Variants in TRMT2B observed in about 807,000 individuals in gnomAD.
TRMT2B encodes the protein tRNA (uracil-5-)-methyltransferase homolog B.
In TRMT2B, 34 loss-of-function variants were observed where a neutral mutation model predicts 39.7. That is an observed-to-expected ratio of 0.86 (90% CI 0.65 to 1.14). The LOEUF (loss-of-function observed/expected upper bound fraction) is 1.14, where lower values mean the gene tolerates loss of function less well. TRMT2B is among the 50% of genes most tolerant of loss of function. The pLI, the probability that TRMT2B is intolerant of heterozygous loss-of-function variation, is 0.00. For synonymous variants in TRMT2B, 132 were observed against 137.3 expected, an observed-to-expected ratio of 0.96 and a Z score of 0.27; for missense variants, 318 against 377.2, an observed-to-expected ratio of 0.84 and a Z score of 1.30.
the TRMT2B span, chrX:100,987,382 T>G: frequency 8.3e-7 from 1 of 1,208,807 alleles, no homozygotes; most frequent in Non-Finnish European, 1.1e-6. Flanking sequence ...TCTTCTCTTT[T>G]GTCACAGGAG....
At chrX:101,041,296 A>C (rs1569486535) in intron 4 of TRMT2B, 21 bp downstream of exon 4, 1 of 1,204,094 alleles carries the variant, frequency 8.3e-7, no homozygotes, top group East Asian at 3.0e-5. Flanking sequence ...GGAGGGGTAA[A>C]GACTTAGGCT....
chrX:101,012,003 A>T (rs1281113919), intron 13 of TRMT2B, among the ~76,000 whole-genome samples: 2 of 111,961 alleles, frequency 1.8e-5, no homozygotes, highest in African/African-American at 6.5e-5. Context: ...CTCCTGAAGG[A>T]TCTGCCTGAG....
the TRMT2B span, among the ~76,000 whole-genome samples, chrX:100,982,860 C>G: frequency 9.1e-6 from 1 of 110,155 alleles, no homozygotes; most frequent in Non-Finnish European, 1.9e-5. Context: ...CACAATCAGG[C>G]ATGGGTTTCA....
chrX:101,033,086 T>C (rs2087598281), intron 7 of TRMT2B, among the ~76,000 whole-genome samples: 1 of 106,651 alleles, frequency 9.4e-6, no homozygotes, highest in African/African-American at 3.4e-5. Flanking sequence ...TGAAACCCCA[T>C]CTCTACTAAA....
chrX:101,024,337 C>G (rs1378611285), intron 7 of TRMT2B, among the ~76,000 whole-genome samples: 1 of 111,966 alleles, frequency 8.9e-6, no homozygotes, highest in African/African-American at 3.2e-5. Context: ...AAATAAACTT[C>G]TGTTAAGCCA....
the TRMT2B span, among the ~76,000 whole-genome samples, chrX:100,996,952 T>C: frequency 8.9e-6 from 1 of 112,094 alleles, no homozygotes; most frequent in East Asian, 2.8e-4. Context: ...GAACCTCTTT[T>C]AGTTGGGCCA....
chrX:100,996,477 T>A, the TRMT2B span, among the ~76,000 whole-genome samples: 50 of 112,032 alleles, frequency 4.5e-4, 1 homozygote, highest in Non-Finnish European at 7.7e-4. Context: ...ATTACCCTGA[T>A]CTGATCATTA....
the TRMT2B span, among the ~76,000 whole-genome samples, chrX:100,984,144 A>C: frequency 1.1e-5 from 1 of 94,754 alleles, no homozygotes; most frequent in African/African-American, 4.0e-5. Flanking sequence ...ATGGAGTTTC[A>C]CTCTTGTCCC....
the TRMT2B span, among the ~76,000 whole-genome samples, chrX:100,989,031 A>G: frequency 1.8e-5 from 2 of 109,567 alleles, no homozygotes; most frequent in African/African-American, 6.6e-5. Context: ...GAAACATCCT[A>G]TATGTCCAAC....
chrX:101,040,933 G>A (rs1207010382), intron 4 of TRMT2B, among the ~76,000 whole-genome samples: 1 of 111,766 alleles, frequency 8.9e-6, no homozygotes, highest in African/African-American at 3.3e-5. Flanking sequence ...GTCAAGGCCC[G>A]GCGCGGTGGC....
At chrX:100,998,574 C>T in the TRMT2B span, among the ~76,000 whole-genome samples, 1 of 96,386 alleles carries the variant, frequency 1.0e-5, no homozygotes, top group African/African-American at 3.7e-5. Context: ...AAAAAAAAAA[C>T]GACACCCATT....
In TRMT2B at chrX:101,019,071, C is replaced by A; in HGVS notation, c.1289-1G>T. The A allele has an allele frequency of 1.7e-6, 2 of 1,186,372 alleles. No individual in the cohort carries two copies. The highest frequency in any genetic ancestry group is 3.6e-5 in the South Asian group (2 of 56,254). ...CGAATGGCTTGAATCACCTTGTAAT[C>A]TGAAGGAAGAAACACCTTGCTATTA... On this transcript the variant is annotated splice_acceptor_variant, in intron 12 of 13. Coordinates refer to ENST00000372936, the MANE Select transcript of TRMT2B (RefSeq NM_024917.6). LOFTEE classifies it high-confidence loss of function.
the TRMT2B span, among the ~76,000 whole-genome samples, chrX:100,991,171 T>C: frequency 9.0e-6 from 1 of 111,579 alleles, no homozygotes; most frequent in Non-Finnish European, 1.9e-5. Flanking sequence ...TACTTACTGG[T>C]TGAGCATCCC....
intron 6 of TRMT2B, among the ~76,000 whole-genome samples, chrX:101,036,216 C>A (rs2087824372): frequency 9.0e-6 from 1 of 110,788 alleles, no homozygotes; most frequent in African/African-American, 3.3e-5. Context: ...GAGGCTAAGG[C>A]GAGTGGATCA....
chrX:101,043,853 T>C (rs1467405379), intron 2 of TRMT2B, among the ~76,000 whole-genome samples: 1 of 112,361 alleles, frequency 8.9e-6, no homozygotes. Flanking sequence ...TAAAAGAATG[T>C]TCATGCCTGA....
At chrX:101,035,572 A>G in intron 7 of TRMT2B, 41 bp downstream of exon 7, 2 of 1,131,018 alleles carry the variant, frequency 1.8e-6, no homozygotes, top group South Asian at 3.6e-5. Flanking sequence ...GTAGACTACA[A>G]TGCTCCAGGC....
At chrX:100,997,894 C>G in the TRMT2B span, among the ~76,000 whole-genome samples, 425 of 111,523 alleles carry the variant, frequency 3.8e-3, 3 homozygotes, top group Admixed American at 0.029. Flanking sequence ...CTGAGAAACA[C>G]CCACACCAAC....
chrX:101,018,832 A>C (rs2086656078), intron 13 of TRMT2B, 139 bp downstream of exon 13: 2 of 496,436 alleles, frequency 4.0e-6, no homozygotes, highest in African/African-American at 2.4e-5. Flanking sequence ...TGAGTCTTAA[A>C]GGTGGTATTT....
At chrX:100,979,514 A>G in the TRMT2B span, among the ~76,000 whole-genome samples, 1 of 111,663 alleles carries the variant, frequency 9.0e-6, no homozygotes, top group African/African-American at 3.3e-5. Flanking sequence ...TCTTTGTGTT[A>G]TCTTGGACTT....
Sources: allele counts gnomAD v4.1 joint callset (sites outside exome capture counted in the v4.1 genomes callset), GRCh38; gene constraint gnomAD v4.1.1; transcripts MANE v1.5; gene names NCBI Gene and HGNC (gene_info 2026-07-23, HGNC 2026-07-21).